The following GRIP1 variants were observed in gnomAD, a reference collection of about 807,000 sequenced individuals.
GRIP1 encodes the protein glutamate receptor-interacting protein 1.
A neutral mutation model predicts 129.9 loss-of-function variants in GRIP1; 45 were observed. The ratio of observed to expected loss-of-function variants is 0.35; its 90% CI spans 0.27 to 0.44. GRIP1 has a LOEUF of 0.44. Ranked by LOEUF, GRIP1 falls within the 20% of genes least tolerant of loss-of-function variation. The probability of loss-of-function intolerance (pLI) is 1.00; values close to 1 mark genes in which losing one functional copy is unlikely to be tolerated. For synonymous variants in GRIP1, 530 were observed against 520.8 expected, an observed-to-expected ratio of 1.02 and a Z score of -0.24; for missense variants, 1,196 against 1,396.8, an observed-to-expected ratio of 0.86 and a Z score of 2.29.
chr12:66,683,161 C>T (rs1316908664), upstream of GRIP1, among the ~76,000 whole-genome samples: 6 of 152,094 alleles, frequency 3.9e-5, no homozygotes, highest in Non-Finnish European at 8.8e-5. Context: ...CTCTCACCCA[C>T]TTTTTCATCT....
intron 1 of GRIP1, among the ~76,000 whole-genome samples, chr12:67,048,200 T>C (rs1236808164): frequency 1.3e-5 from 2 of 151,708 alleles, no homozygotes; most frequent in East Asian, 1.9e-4. Context: ...GATTTCATAA[T>C]ACTTGAAATT....
At chr12:66,352,281 C>A (rs903587) in intron 24 of GRIP1, among the ~76,000 whole-genome samples, 76,243 of 151,812 alleles carry the variant, frequency 0.5, 19,677 homozygotes, top group East Asian at 0.58. Context: ...TGGTTTAAGT[C>A]GCAGCATGTG....
chr12:66,738,666 CAG>C (rs2036690176), intron 1 of GRIP1, among the ~76,000 whole-genome samples: 1 of 152,104 alleles, frequency 6.6e-6, no homozygotes, highest in African/African-American at 2.4e-5. Flanking sequence ...AAAGGGGACA[CAG>C]GGAGATGAGC....
intron 1 of GRIP1, among the ~76,000 whole-genome samples, chr12:66,876,119 A>T (rs1053514259): frequency 3.3e-5 from 5 of 152,048 alleles, no homozygotes; most frequent in African/African-American, 1.2e-4. Context: ...AAAACAAAAA[A>T]ATCTGCAAGA....
At chr12:66,716,923 GTC>G (rs997204447) in intron 1 of GRIP1, among the ~76,000 whole-genome samples, 1 of 152,014 alleles carries the variant, frequency 6.6e-6, no homozygotes, top group African/African-American at 2.4e-5. Flanking sequence ...TATTTAAGTG[GTC>G]TCCACTCTTC....
rs993111692 is a variant in GRIP1 at position 66,768,479 on chromosome 12, A to G, written c.-420+35574T>C. Among the ~76,000 whole-genome samples, 10 of 152,284 alleles carry G rather than the reference A, an allele frequency of 6.6e-5. No homozygotes were observed. The East Asian group carries it at 1.7e-3, about 26-fold the overall frequency. On this transcript the variant is annotated intron_variant, in intron 1 of 4. Transcript: ENST00000538373. The stretch of plus-strand genomic sequence containing the variant: ...CTAGAATTGCCAATACAGATGACGC[A>G]CCTCAGTGAATTGAGGAAGTTAACG...
intron 1 of GRIP1, among the ~76,000 whole-genome samples, chr12:66,752,605 C>T (rs1592809288): frequency 6.6e-6 from 1 of 152,094 alleles, no homozygotes; most frequent in South Asian, 2.1e-4. Flanking sequence ...AATACAGAGG[C>T]CCCTTAGTTG....
In GRIP1 at chr12:67,014,523, T is replaced by C. The variant is rs1402539766; in HGVS notation, c.58+54527A>G. Among the ~76,000 whole-genome samples, 7 of 152,242 alleles carry C rather than the reference T, an allele frequency of 4.6e-5. No homozygotes were observed. The South Asian group carries it at 1.2e-3, about 27-fold the overall frequency. Reference sequence around the variant, plus strand: ...ATAGAGGCAAATAATCCCATACATATTGATAGCCTGAGAGGCTACCACATT... The same window carrying C: ...ATAGAGGCAAATAATCCCATACATACTGATAGCCTGAGAGGCTACCACATT... On this transcript the variant is annotated intron_variant, in intron 1 of 1. Coordinates refer to the GRIP1 transcript ENST00000643019.
At chr12:66,461,329 C>T (rs2059129859) in intron 9 of GRIP1, among the ~76,000 whole-genome samples, 1 of 152,202 alleles carries the variant, frequency 6.6e-6, no homozygotes, top group African/African-American at 2.4e-5. Context: ...AAACCCCATG[C>T]TGAGAGAGCA....
At chr12:66,889,337 TATA>T (rs777915736) in intron 1 of GRIP1, among the ~76,000 whole-genome samples, 5 of 152,144 alleles carry the variant, frequency 3.3e-5, no homozygotes, top group Non-Finnish European at 7.3e-5. Flanking sequence ...GGCAGGGGCC[TATA>T]ATACCAGCTA....
intron 23 of GRIP1, among the ~76,000 whole-genome samples, chr12:66,367,456 G>C (rs1307725642): frequency 6.6e-6 from 1 of 151,984 alleles, no homozygotes; most frequent in Non-Finnish European, 1.5e-5. Context: ...CATGCTCCCT[G>C]AAAGTGCTGA....
chr12:66,886,674 G>A (rs2040570785), intron 1 of GRIP1, among the ~76,000 whole-genome samples: 1 of 151,990 alleles, frequency 6.6e-6, no homozygotes, highest in Admixed American at 6.6e-5. Context: ...ACTTTTAGTT[G>A]GTGACAGTAC....
intron 16 of GRIP1, among the ~76,000 whole-genome samples, chr12:66,400,511 T>C (rs2056947781): frequency 6.6e-6 from 1 of 152,174 alleles, no homozygotes; most frequent in Admixed American, 6.5e-5. Flanking sequence ...TATAAATATT[T>C]GAAGCCCAAA....
At chr12:66,661,103 A>G (rs985472256) in intron 1 of GRIP1, among the ~76,000 whole-genome samples, 7 of 152,138 alleles carry the variant, frequency 4.6e-5, no homozygotes, top group Non-Finnish European at 7.4e-5. Flanking sequence ...AACATGCTTA[A>G]GTTTCCAGTT....
chr12:66,811,646 T>TC (rs1182288169), intron 1 of GRIP1, among the ~76,000 whole-genome samples: 4 of 152,062 alleles, frequency 2.6e-5, no homozygotes, highest in African/African-American at 4.8e-5. Context: ...CCTCCTTCCC[T>TC]CCCTCCTTCC....
chr12:67,040,559 G>T (rs1918137), intron 1 of GRIP1, among the ~76,000 whole-genome samples: 3 of 151,896 alleles, frequency 2.0e-5, no homozygotes, highest in Non-Finnish European at 2.9e-5. Context: ...CTAATTTGTC[G>T]TTTACGTGTT....
chr12:66,565,246 T>C (rs2062706257), intron 2 of GRIP1, among the ~76,000 whole-genome samples: 1 of 152,240 alleles, frequency 6.6e-6, no homozygotes, highest in Non-Finnish European at 1.5e-5. Flanking sequence ...CTGGGGTTTT[T>C]ATGGTTTTAG....
At chr12:66,437,951 C>A (rs932659544) in intron 13 of GRIP1, among the ~76,000 whole-genome samples, 1 of 152,134 alleles carries the variant, frequency 6.6e-6, no homozygotes, top group African/African-American at 2.4e-5. Context: ...TGCTGTATGA[C>A]CTTGGGTTTC....
intron 1 of GRIP1, among the ~76,000 whole-genome samples, chr12:66,928,105 G>A (rs1255517458): frequency 6.6e-6 from 1 of 152,196 alleles, no homozygotes; most frequent in Non-Finnish European, 1.5e-5. Flanking sequence ...GACTTCAGTT[G>A]TGTTTGATCA....
Sources: gnomAD v4.1 joint callset for allele counts (sites outside exome capture counted in the v4.1 genomes callset) on GRCh38, gnomAD v4.1.1 for gene constraint, MANE v1.5 for transcripts, NCBI Gene and HGNC (gene_info 2026-07-23, HGNC 2026-07-21) for gene names.